The following SLC25A41 variants were observed in gnomAD, a reference collection of about 807,000 sequenced individuals.
SLC25A41 encodes the protein mitochondrial carrier protein SCaMC-3L.
SLC25A41 carries 35 observed loss-of-function variants against 34.7 expected under a neutral mutation model. The ratio of observed to expected loss-of-function variants is 1.01; its 90% confidence interval spans 0.77 to 1.34. The LOEUF is 1.34. SLC25A41 is among the 40% of genes most tolerant of loss of function. The pLI is 0.00. For synonymous variants in SLC25A41, 190 were observed against 209.9 expected (o/e 0.91, Z 0.82); for missense variants, 492 against 489.8 (o/e 1.00, Z -0.04).
chr19:6,433,375 G>A, intron 1 of SLC25A41, 112 bp downstream of exon 1: 1 of 1,095,540 alleles, frequency 9.1e-7, no homozygotes, highest in South Asian at 1.3e-5. Flanking sequence ...GCTTCAAGGT[G>A]GAATTCTAGG....
At position 6,426,230 on chromosome 19, in the gene SLC25A41, A is replaced by C; in HGVS notation, c.*159T>G. ...CCCACCACCAACCCCAGCTTCAGGA[A>C]TCTTCTGACCCAGAGCCCCACCCCC... On this transcript the variant is annotated 3_prime_UTR_variant, in exon 7 of 7. Transcript: ENST00000321510. 29 of 607,384 alleles carry C rather than the reference A, an allele frequency of 4.8e-5. No homozygotes were observed. Among genetic ancestry groups the C allele is most frequent in the East Asian group, 1.5e-4 (4 of 26,588 alleles). The allele number at this position is 607,384 out of a possible 1,614,324, so 37.6% of individuals were successfully genotyped here. A position where few individuals can be genotyped will look rare whatever the true frequency, so the allele number is the denominator to read the frequency against.
intron 4 of SLC25A41, among the ~76,000 whole-genome samples, chr19:6,429,409 AGAGGGGAGGAGAAGGGAGAAAGGAG>A: frequency 7.6e-5 from 1 of 13,216 alleles, no homozygotes; most frequent in South Asian, 5.6e-3. Context: ...GGAGAAAGGA[AGAGGGGAGGAGAAGGGAGAAAGGAG>A]GAGGGAAGGA....
rs1056756080 is a variant in SLC25A41, at chr19:6,429,761, G to T, written c.587C>A (p.Ala196Asp). 3 of 1,609,238 alleles carry T rather than the reference G, an allele frequency of 1.9e-6. No individual in the cohort carries two copies. Among genetic ancestry groups the T allele is most frequent in the East Asian group, 4.5e-5 (2 of 44,804 alleles). ...FQERLLAGSL[A>D]VAISQTLINP... Reference sequence around the variant, plus strand: ...GATGAGGGTCTGGGAGATGGCCACAGCCAGGGAGCCAGCAAGGAGACGCTC... The same window carrying T: ...GATGAGGGTCTGGGAGATGGCCACATCCAGGGAGCCAGCAAGGAGACGCTC... The change falls in exon 4 of 7, where the codon GCT (alanine) becomes GAT (aspartate). Residue 196 changes from alanine (A) to aspartate (D), a missense_variant. Physicochemically the swap from Ala to Asp is moderately radical, Grantham distance 126. Transcript: ENST00000321510.
chr19:6,432,138 A>T lies in SLC25A41; in HGVS notation c.274T>A (p.Leu92Met), dbSNP rs769562278. 2 of 1,613,768 alleles carry T rather than the reference A, an allele frequency of 1.2e-6. No individual in the cohort carries two copies. The highest frequency in any genetic ancestry group is 2.2e-5 in the South Asian group (2 of 91,086). Residue 92 changes from leucine to methionine, a missense_variant, in exon 2 of 7, where the codon TTG (leucine) becomes ATG (methionine). Leu to Met is a conservative substitution (Grantham distance 15). Coordinates refer to ENST00000321510, the MANE Select transcript of SLC25A41 (RefSeq NM_173637.4). ...EVLEVDNKEA[L>M]WKFLLSGAMA... The stretch of plus-strand genomic sequence containing the variant: ...GCTCCTGAGAGTAGAAACTTCCACA[A>T]GGCCTCCTTGTTATCCACTTCCAGG...
chr19:6,426,325 G>T lies in SLC25A41; in HGVS notation c.*64C>A. 2 of 1,519,268 alleles carry T rather than the reference G, an allele frequency of 1.3e-6. No individual in the cohort carries two copies. The highest frequency in any genetic ancestry group is 1.2e-5 in the South Asian group (1 of 80,688). The allele number at this position is 1,519,268 out of a possible 1,614,324, so 94.1% of individuals were successfully genotyped here. A position where few individuals can be genotyped will look rare whatever the true frequency, so the allele number is the denominator to read the frequency against. The stretch of plus-strand genomic sequence containing the variant: ...ACCTTGAGGCCTCGAGGGCTCTTTG[G>T]GGCCAGGGGTCATCAGGTCCTCCTG... On this transcript the variant is annotated 3_prime_UTR_variant, in exon 7 of 7. Transcript: ENST00000321510.
At position 6,427,870 on chromosome 19, in the gene SLC25A41, A is replaced by G. The variant is rs1281303448; in HGVS notation, c.625-369T>C. ...ATAAGATGTATATGGAAACATCAAC[A>G]TGGGAGAACAGCCTGGAAAACTGAT... On this transcript the variant is annotated intron_variant, in intron 4 of 6. Transcript: ENST00000321510. The surrounding 1 kb of genome is among the most constrained non-coding windows in gnomAD (Gnocchi z 4.9). 1.3e-5 allele frequency among the ~76,000 whole-genome samples: 2 copies of G among 152,134 alleles called. No individual in the cohort carries two copies. Among genetic ancestry groups the G allele is most frequent in the African/African-American group, 4.8e-5 (2 of 41,438 alleles).
Position 6,427,045 on chromosome 19 carries a change from G to T in SLC25A41, c.940+58C>A. Reference sequence around the variant, plus strand: ...CAGTTTTGGGGTATGAGAAAATTGAGACAGCCAGGGTGGGGCGGGGAAGGG... The same window carrying T: ...CAGTTTTGGGGTATGAGAAAATTGATACAGCCAGGGTGGGGCGGGGAAGGG... On this transcript the variant is annotated intron_variant, in intron 6 of 6. Transcript: ENST00000321510. The surrounding 1 kb of genome is among the most constrained non-coding windows in gnomAD (Gnocchi z 4.9). 1 of 1,532,402 alleles carries T rather than the reference G, an allele frequency of 6.5e-7. No individual in the cohort carries two copies. The highest frequency in any genetic ancestry group is 8.8e-7 in the Non-Finnish European group (1 of 1,134,048). The allele number at this position is 1,532,402 out of a possible 1,614,324, so 94.9% of individuals were successfully genotyped here.
rs145659435 is a variant in SLC25A41 at position 6,432,727 on chromosome 19, A to G, written c.208-523T>C. Among the ~76,000 whole-genome samples, 1,039 of 151,630 alleles carry G rather than the reference A, an allele frequency of 6.9e-3. 7 individuals are homozygous for G. The highest frequency in any genetic ancestry group is 0.024 in the African/African-American group (999 of 41,298). On this transcript the variant is annotated intron_variant, in intron 1 of 6. Coordinates refer to ENST00000321510, the MANE Select transcript of SLC25A41 (RefSeq NM_173637.4). Reference sequence around the variant, plus strand: ...TGTCTCAGCTTCCCAAGTAGGGACAATGGTGTGATCTCGGCTCACTGCAAC... The same window carrying G: ...TGTCTCAGCTTCCCAAGTAGGGACAGTGGTGTGATCTCGGCTCACTGCAAC...
At chr19:6,433,877 C>G, upstream of SLC25A41, 2 of 487,734 alleles carry the variant, frequency 4.1e-6, no homozygotes, top group East Asian at 6.4e-5. Context: ...AAGTATCCAC[C>G]TCCTGATCCC....
At chr19:6,428,134 A>T (rs1245577443) in intron 4 of SLC25A41, among the ~76,000 whole-genome samples, 1 of 152,016 alleles carries the variant, frequency 6.6e-6, no homozygotes, top group African/African-American at 2.4e-5. Context: ...AGTGAACCCT[A>T]GGTCGGGTGC....
rs767285439 is a variant in SLC25A41 at position 6,430,113 on chromosome 19, T to C, written c.412A>G (p.Ser138Gly). ...NFTNLLGGLQSMVQEGGFRSL... is the reference protein window; with the variant it reads ...NFTNLLGGLQGMVQEGGFRSL... ...CGGAAGCCGCCCTCCTGGACCATGCTCTGTAGCCCCCCCAGCAGGTTGGTG... is the reference window on the plus strand; with the variant it reads ...CGGAAGCCGCCCTCCTGGACCATGCCCTGTAGCCCCCCCAGCAGGTTGGTG... Residue 138 changes from serine to glycine, a missense_variant, in exon 3 of 7, where the codon AGC becomes GGC. Physicochemically the swap from Ser to Gly is moderately conservative, Grantham distance 56 (BLOSUM62 0). Coordinates refer to ENST00000321510, the MANE Select transcript of SLC25A41 (RefSeq NM_173637.4). The C allele has an allele frequency of 6.2e-7, 1 of 1,613,384 alleles. No homozygotes were observed. The highest frequency in any genetic ancestry group is 8.5e-7 in the Non-Finnish European group (1 of 1,179,624).
upstream of SLC25A41, among the ~76,000 whole-genome samples, chr19:6,435,358 G>C (rs371356945): frequency 1.3e-5 from 2 of 152,128 alleles, no homozygotes; most frequent in Non-Finnish European, 2.9e-5. Context: ...CTGTTCAGGT[G>C]GTTCTCCCAC....
chr19:6,429,889 G>A (rs1312652838), intron 3 of SLC25A41, 58 bp from the exon 4 acceptor site: 21 of 1,592,046 alleles, frequency 1.3e-5, no homozygotes, highest in African/African-American at 5.4e-5. Flanking sequence ...CACAAAACCC[G>A]CGCAGGGAAG....
chr19:6,434,304 G>A (rs2092298666), upstream of SLC25A41, among the ~76,000 whole-genome samples: 1 of 152,110 alleles, frequency 6.6e-6, no homozygotes. Context: ...CAGGGCCTTT[G>A]GGAGGTCCTC....
At chr19:6,436,243 G>T (rs930412793), upstream of SLC25A41, 1 of 301,414 alleles carries the variant, frequency 3.3e-6, no homozygotes, top group African/African-American at 2.2e-5. Context: ...ATCAGTGTTT[G>T]AAGTATAAGA....
chr19:6,426,174 G>C lies in SLC25A41; in HGVS notation c.*215C>G, dbSNP rs1046051102. On this transcript the variant is annotated 3_prime_UTR_variant, in exon 7 of 7. Coordinates refer to ENST00000321510, the MANE Select transcript of SLC25A41 (RefSeq NM_173637.4). ...CTGCACCCTGGGGAGGGAGTCCCAG[G>C]AGTTTTCTGACCCAGCACTGCCCCC... 1.9e-6 allele frequency: 1 copy of C among 538,646 alleles called. No homozygotes were observed. The allele number at this position is 538,646 out of a possible 1,614,324, so 33.4% of individuals were successfully genotyped here. A position where few individuals can be genotyped will look rare whatever the true frequency, so the allele number is the denominator to read the frequency against.
Position 6,429,795 on chromosome 19 carries a change from G to A in SLC25A41, c.553C>T (p.Pro185Ser), listed in dbSNP as rs1408820661. The A allele has an allele frequency of 6.2e-7, 1 of 1,611,462 alleles. No homozygotes were observed. The highest frequency in any genetic ancestry group is 1.1e-5 in the South Asian group (1 of 90,906). ...NYFCGIQGSP[P>S]FQERLLAGSL... Reference sequence around the variant, plus strand: ...CCAGCAAGGAGACGCTCCTGGAAGGGCGGGGACCCTTGTATTCCACAGAAG... The same window carrying A: ...CCAGCAAGGAGACGCTCCTGGAAGGACGGGGACCCTTGTATTCCACAGAAG... Residue 185 changes from proline to serine, a missense_variant, in exon 4 of 7, where the codon CCC (proline) becomes TCC (serine). Pro to Ser is a moderately conservative substitution (Grantham distance 74). Coordinates refer to ENST00000321510, the MANE Select transcript of SLC25A41 (RefSeq NM_173637.4).
chr19:6,432,181 C>T lies in SLC25A41; in HGVS notation c.231G>A (p.Leu77=), dbSNP rs757550774. Residue 77 remains leucine, a synonymous_variant, in exon 2 of 7, where the codon CTG becomes CTA. Transcript: ENST00000321510. Reference sequence around the variant, plus strand: ...CTTCCAGGACTTCCACGGGGACCATCAGCTGCTCTCCTGTGTCCAGTACCT... The same window carrying T: ...CTTCCAGGACTTCCACGGGGACCATTAGCTGCTCTCCTGTGTCCAGTACCT... The part of the protein sequence containing the change: ...SQQVLDTGEQ[L]MVPVEVLEVD... 1 of 1,613,782 alleles carries T rather than the reference C, an allele frequency of 6.2e-7. No individual in the cohort carries two copies. Among genetic ancestry groups the T allele is most frequent in the African/African-American group, 1.3e-5 (1 of 75,034 alleles).
chr19:6,434,560 C>T (rs2145151179), upstream of SLC25A41, among the ~76,000 whole-genome samples: 1 of 152,270 alleles, frequency 6.6e-6, no homozygotes, highest in East Asian at 1.9e-4. Flanking sequence ...TTATAGCAGC[C>T]TGGGCTGACT....
Sources: allele counts gnomAD v4.1 joint callset (sites outside exome capture counted in the v4.1 genomes callset), GRCh38; gene constraint gnomAD v4.1.1; non-coding constraint Gnocchi (gnomAD v3.1); transcripts MANE v1.5; gene names NCBI Gene and HGNC (gene_info 2026-07-23, HGNC 2026-07-21).